Variants in IKZF3 observed in about 807,000 individuals in gnomAD.
IKZF3 encodes zinc finger protein Aiolos.
A neutral mutation model predicts 49.0 loss-of-function variants in IKZF3; 10 were observed. The observed-to-expected ratio is 0.20, with a 90% CI of 0.13 to 0.35. IKZF3 has a LOEUF of 0.35. IKZF3 is among the 10% of genes least tolerant of loss of function. The probability of loss-of-function intolerance (pLI) is 1.00; values close to 1 mark genes in which losing one functional copy is unlikely to be tolerated. For missense variants in IKZF3, 498 were observed against 664.8 expected (o/e 0.75, Z 2.76); for synonymous variants, 209 against 228.2 (o/e 0.92, Z 0.76).
chr17:39,844,381 G>T (rs779199846), intron 1 of IKZF3, among the ~76,000 whole-genome samples: 7 of 152,148 alleles, frequency 4.6e-5, no homozygotes, highest in Non-Finnish European at 7.4e-5. Flanking sequence ...GCATGCTCCT[G>T]CCTCAAGGCC....
chr17:39,824,862 A>AT (rs1451937997), intron 3 of IKZF3, among the ~76,000 whole-genome samples: 3 of 151,854 alleles, frequency 2.0e-5, no homozygotes, highest in African/African-American at 4.8e-5. Flanking sequence ...CACCTGGCTA[A>AT]TTTTTTGTAT....
intron 7 of IKZF3, among the ~76,000 whole-genome samples, chr17:39,769,189 G>A (rs766942199): frequency 1.3e-5 from 2 of 152,192 alleles, no homozygotes; most frequent in Non-Finnish European, 2.9e-5. Flanking sequence ...TGGGCATTCC[G>A]AATGGCCCAC....
intron 5 of IKZF3, among the ~76,000 whole-genome samples, chr17:39,790,893 T>G (rs1399700249): frequency 6.7e-6 from 1 of 149,046 alleles, no homozygotes; most frequent in Non-Finnish European, 1.5e-5. Context: ...TCATGTTTAT[T>G]TAAAAAAAAA....
At chr17:39,845,077 G>A (rs1023316815) in intron 1 of IKZF3, among the ~76,000 whole-genome samples, 4 of 152,096 alleles carry the variant, frequency 2.6e-5, no homozygotes, top group Non-Finnish European at 4.4e-5. Flanking sequence ...CCCTATGAAC[G>A]CACTAGATGG....
At position 39,788,289 on chromosome 17, in the gene IKZF3, T is replaced by C; in HGVS notation, c.678A>G (p.Thr226=). 1.2e-6 allele frequency: 2 copies of C among 1,613,792 alleles called. No individual in the cohort carries two copies. Among genetic ancestry groups the C allele is most frequent in the Non-Finnish European group, 1.7e-6 (2 of 1,179,764 alleles). Residue 226 remains threonine (T), a synonymous_variant, in exon 6 of 8, where the codon ACA becomes ACG. Transcript: ENST00000346872. The part of the protein sequence containing the change: ...SLEEHKERCR[T]FLQSTDPGDT... ...CCCCTGGGTCAGTGCTCTGAAGAAA[T>C]GTACGGCAGCGCTCCTTGTGCTCCT...
chr17:39,863,419 C>T (rs1199903352), intron 1 of IKZF3, among the ~76,000 whole-genome samples: 2 of 152,054 alleles, frequency 1.3e-5, no homozygotes, highest in Non-Finnish European at 2.9e-5. Flanking sequence ...CACCATCCCC[C>T]CCCGAGTTGA....
At chr17:39,820,343 T>C (rs1410016850) in intron 3 of IKZF3, among the ~76,000 whole-genome samples, 1 of 152,202 alleles carries the variant, frequency 6.6e-6, no homozygotes, top group African/African-American at 2.4e-5. Flanking sequence ...TCAACATAAA[T>C]ATCACTATAA....
chr17:39,806,545 T>C (rs1186466039), intron 3 of IKZF3, among the ~76,000 whole-genome samples: 1 of 152,202 alleles, frequency 6.6e-6, no homozygotes. Flanking sequence ...GAGATTCCAC[T>C]TCACACCTGC....
intron 1 of IKZF3, among the ~76,000 whole-genome samples, chr17:39,855,741 A>G (rs1388528302): frequency 2.6e-5 from 4 of 152,134 alleles, no homozygotes; most frequent in African/African-American, 9.7e-5. Context: ...GGAGTGCTTC[A>G]CCTTATTATT....
intron 6 of IKZF3, among the ~76,000 whole-genome samples, chr17:39,784,732 T>C (rs553897427): frequency 6.6e-6 from 1 of 152,286 alleles, no homozygotes; most frequent in East Asian, 1.9e-4. Context: ...TGTAGGGGCT[T>C]AACCTTAACT....
chr17:39,849,342 T>G (rs9916765), intron 1 of IKZF3, among the ~76,000 whole-genome samples: 1 of 126,696 alleles, frequency 7.9e-6, no homozygotes, highest in Non-Finnish European at 1.7e-5. Flanking sequence ...AAAATCAGTA[T>G]GAAAAAAGAC....
rs1002469887 is a variant in IKZF3, at chr17:39,760,520, C to A, written c.*5270G>T. ...TGTATTTTTAGTAGAGACAGGGTTT[C>A]TCCATGTTGGTCAGGCTGGTCTCGA... On this transcript the variant is annotated 3_prime_UTR_variant, in exon 8 of 8. Transcript: ENST00000346872. 8 of 152,222 alleles carry A rather than the reference C, an allele frequency of 5.3e-5. No homozygotes were observed. The highest frequency in any genetic ancestry group is 1.9e-4 in the African/African-American group (8 of 41,442). 9.4% of individuals were successfully genotyped at this position (152,222 alleles called of 1,614,324 possible).
chr17:39,841,419 G>T (rs971102721), intron 1 of IKZF3, among the ~76,000 whole-genome samples: 1 of 152,076 alleles, frequency 6.6e-6, no homozygotes, highest in Non-Finnish European at 1.5e-5. Context: ...AAACTCGAGT[G>T]GGGTGAAGAG....
intron 3 of IKZF3, among the ~76,000 whole-genome samples, chr17:39,794,319 G>T (rs1413771196): frequency 3.3e-5 from 5 of 152,218 alleles, no homozygotes; most frequent in East Asian, 3.9e-4. Context: ...CCCATCAATG[G>T]TGTAAATGTT....
Position 39,759,988 on chromosome 17 carries a change from A to G in IKZF3, c.*5802T>C, listed in dbSNP as rs1316930040. The G allele has an allele frequency of 1.3e-5, 2 of 152,094 alleles. No individual in the cohort carries two copies. The highest frequency in any genetic ancestry group is 2.9e-5 in the Non-Finnish European group (2 of 68,018). 9.4% of individuals were successfully genotyped at this position (152,094 alleles called of 1,614,324 possible). ...ATGCTGACTCTTTGAGTCCTCAGAT[A>G]GCCAGGCTCTTTCACATCTTGAGTG... On this transcript the variant is annotated 3_prime_UTR_variant, in exon 8 of 8. Transcript: ENST00000346872.
chr17:39,815,021 A>G (rs1472328226), intron 3 of IKZF3, among the ~76,000 whole-genome samples: 4 of 152,192 alleles, frequency 2.6e-5, no homozygotes, highest in African/African-American at 9.6e-5. Context: ...AAATAGAGAT[A>G]GTGGATGATG....
intron 6 of IKZF3, among the ~76,000 whole-genome samples, chr17:39,785,535 T>A (rs1320571439): frequency 6.6e-6 from 1 of 152,146 alleles, no homozygotes; most frequent in Admixed American, 6.5e-5. Context: ...ATACTTTTCC[T>A]TATTTGAAAT....
intron 1 of IKZF3, among the ~76,000 whole-genome samples, chr17:39,859,561 G>T (rs1233232322): frequency 2.0e-5 from 3 of 151,212 alleles, no homozygotes; most frequent in Non-Finnish European, 4.4e-5. Flanking sequence ...GCTAATTTTT[G>T]TAGTTTTTGT....
rs145168309 is a variant in IKZF3 at position 39,830,455 on chromosome 17, A to G, written c.62-967T>C. On this transcript the variant is annotated intron_variant, in intron 2 of 7. Coordinates refer to ENST00000346872, the MANE Select transcript of IKZF3 (RefSeq NM_012481.5). ...AGACAAAGGATTAAATAAAGGAAAT[A>G]CAAAGTGTTATTAAAGTTCATAAGT... Among the ~76,000 whole-genome samples, 1,129 of 152,314 alleles carry G rather than the reference A, an allele frequency of 7.4e-3. 8 individuals are homozygous for G. The highest frequency in any genetic ancestry group is 0.026 in the African/African-American group (1,085 of 41,564).
Sources: gnomAD v4.1 joint callset for allele counts (sites outside exome capture counted in the v4.1 genomes callset) on GRCh38, gnomAD v4.1.1 for gene constraint, MANE v1.5 for transcripts, NCBI Gene and HGNC (gene_info 2026-07-23, HGNC 2026-07-21) for gene names.